Variants in DYNC1I1 observed in about 807,000 individuals in gnomAD.
DYNC1I1 encodes dynein cytoplasmic 1 intermediate chain 1.
DYNC1I1 carries 43 observed loss-of-function variants against 86.6 expected under a neutral mutation model. The observed-to-expected ratio is 0.50, with a 90% CI of 0.39 to 0.64. DYNC1I1 has a LOEUF of 0.64. DYNC1I1 is among the 30% of genes least tolerant of loss of function. The pLI, the probability that DYNC1I1 is intolerant of heterozygous loss-of-function variation, is 0.00. For missense variants in DYNC1I1, 604 were observed against 788.8 expected, an observed-to-expected ratio of 0.77 and a Z score of 2.81; for synonymous variants, 262 against 283.7, an observed-to-expected ratio of 0.92 and a Z score of 0.77.
intron 10 of DYNC1I1, among the ~76,000 whole-genome samples, chr7:96,003,434 T>C (rs1163369081): frequency 6.6e-6 from 1 of 152,232 alleles, no homozygotes. Context: ...GTTTTCTACT[T>C]TCATTTAATA....
intron 15 of DYNC1I1, 99 bp from the exon 16 acceptor site, chr7:96,080,264 G>A: frequency 6.9e-7 from 1 of 1,440,144 alleles, no homozygotes. Flanking sequence ...TGCACATGAA[G>A]GCAGTTGGTG....
chr7:95,818,605 C>A, intron 4 of DYNC1I1: 1 of 595,136 alleles, frequency 1.7e-6, no homozygotes. Context: ...CTCTCCCTCC[C>A]AAAGTGCTGA....
At chr7:95,905,598 G>C (rs1406411352) in intron 6 of DYNC1I1, among the ~76,000 whole-genome samples, 1 of 152,038 alleles carries the variant, frequency 6.6e-6, no homozygotes, top group East Asian at 1.9e-4. Flanking sequence ...TATGCTGAAG[G>C]GTTTATCCTC....
Position 95,804,263 on chromosome 7 carries a change from C to A in DYNC1I1, c.-9-458C>A, listed in dbSNP as rs1794651903. On this transcript the variant is annotated intron_variant, in intron 1 of 16. Transcript: ENST00000447467. ...CTCAGTGGAGGAATGTTTATTGAGT[C>A]CATAGAAATTTGAGCAGGGCATATC... 8.9e-6 allele frequency: 6 copies of A among 677,434 alleles called. No homozygotes were observed. The South Asian group carries it at 1.4e-4, about 16-fold the overall frequency. The allele number at this position is 677,434 out of a possible 1,614,324, so 42.0% of individuals were successfully genotyped here.
At chr7:95,868,917 A>C (rs1354301557) in intron 5 of DYNC1I1, among the ~76,000 whole-genome samples, 1 of 152,020 alleles carries the variant, frequency 6.6e-6, no homozygotes, top group African/African-American at 2.4e-5. Flanking sequence ...TGATACTACT[A>C]TACCTCCACG....
intron 6 of DYNC1I1, among the ~76,000 whole-genome samples, chr7:95,920,323 T>C (rs192406247): frequency 8.9e-4 from 135 of 152,120 alleles, no homozygotes; most frequent in Non-Finnish European, 1.6e-3. Flanking sequence ...TCAGAGAAAA[T>C]ACCTGACCTG....
At chr7:95,845,130 G>A (rs1447592969) in intron 5 of DYNC1I1, among the ~76,000 whole-genome samples, 2 of 152,170 alleles carry the variant, frequency 1.3e-5, no homozygotes, top group Non-Finnish European at 2.9e-5. Context: ...TGCAAAGGTG[G>A]TTTCACTAGT....
At chr7:95,782,494 C>A (rs1343583443) in intron 1 of DYNC1I1, among the ~76,000 whole-genome samples, 1 of 152,312 alleles carries the variant, frequency 6.6e-6, no homozygotes, top group African/African-American at 2.4e-5. Flanking sequence ...CATGCTCAAA[C>A]CCTGTATGGG....
At chr7:95,792,944 T>C (rs1416056619) in intron 1 of DYNC1I1, among the ~76,000 whole-genome samples, 4 of 151,900 alleles carry the variant, frequency 2.6e-5, no homozygotes, top group African/African-American at 9.7e-5. Flanking sequence ...AGTGGAAGGA[T>C]ATATGGATGG....
intron 14 of DYNC1I1, among the ~76,000 whole-genome samples, chr7:96,040,690 A>G (rs78169993): frequency 6.6e-6 from 1 of 152,078 alleles, no homozygotes; most frequent in East Asian, 1.9e-4. Context: ...ATGCACTAGA[A>G]TAGCAGTGAT....
intron 4 of DYNC1I1, among the ~76,000 whole-genome samples, chr7:95,823,727 C>T (rs1483045947): frequency 2.6e-5 from 4 of 151,672 alleles, no homozygotes; most frequent in African/African-American, 7.3e-5. Flanking sequence ...AAGACTTTGT[C>T]AGGTTTACAT....
intron 14 of DYNC1I1, among the ~76,000 whole-genome samples, chr7:96,061,736 GCACACAAACACACACA>G (rs1789784234): frequency 1.2e-5 from 1 of 83,948 alleles, no homozygotes; most frequent in Non-Finnish European, 2.4e-5. Context: ...ACACACACAC[GCACACAAACACACACA>G]CACACACACT....
intron 6 of DYNC1I1, among the ~76,000 whole-genome samples, chr7:95,920,291 C>T (rs1584160613): frequency 1.3e-5 from 2 of 152,290 alleles, no homozygotes; most frequent in Middle Eastern, 3.4e-3. Context: ...AAAAACATCA[C>T]GCAAATTTCA....
intron 14 of DYNC1I1, among the ~76,000 whole-genome samples, chr7:96,063,199 T>G (rs1043090802): frequency 8.6e-5 from 13 of 151,962 alleles, no homozygotes; most frequent in African/African-American, 2.9e-4. Context: ...TAGCTGATGG[T>G]TGAGCCGTAG....
At chr7:95,825,100 G>A (rs976899873) in intron 4 of DYNC1I1, among the ~76,000 whole-genome samples, 6 of 152,206 alleles carry the variant, frequency 3.9e-5, no homozygotes, top group Non-Finnish European at 5.9e-5. Flanking sequence ...TTCTGTTACT[G>A]AATAACATAG....
At chr7:95,837,689 T>A (rs865946581) in intron 5 of DYNC1I1, 3 of 150,916 alleles carry the variant, frequency 2.0e-5, no homozygotes, top group African/African-American at 7.4e-5. Flanking sequence ...TTTTTAAGCC[T>A]GTCGGAAAAG....
intron 5 of DYNC1I1, among the ~76,000 whole-genome samples, chr7:95,855,829 C>A (rs1006647353): frequency 1.3e-5 from 2 of 152,032 alleles, no homozygotes; most frequent in African/African-American, 4.8e-5. Flanking sequence ...TAGGAACTTA[C>A]CATGAATGGA....
intron 4 of DYNC1I1, among the ~76,000 whole-genome samples, chr7:95,815,594 T>A (rs994933804): frequency 3.9e-5 from 6 of 152,202 alleles, no homozygotes; most frequent in Non-Finnish European, 7.3e-5. Flanking sequence ...TCAGTTTTTT[T>A]AAATTCCACT....
intron 6 of DYNC1I1, among the ~76,000 whole-genome samples, chr7:95,968,797 A>G (rs1031465625): frequency 2.0e-5 from 3 of 150,860 alleles, no homozygotes; most frequent in African/African-American, 7.3e-5. Flanking sequence ...CAAGAATTGC[A>G]TCTTCAATTG....
Sources: gnomAD v4.1 joint callset for allele counts (sites outside exome capture counted in the v4.1 genomes callset) on GRCh38, gnomAD v4.1.1 for gene constraint, MANE v1.5 for transcripts, NCBI Gene and HGNC (gene_info 2026-07-23, HGNC 2026-07-21) for gene names.